AOAH: variants seen among roughly 807,000 people sequenced by gnomAD.
AOAH encodes the protein acyloxyacyl hydrolase.
AOAH carries 64 observed loss-of-function variants against 92.2 expected under a neutral mutation model. That is an observed-to-expected ratio of 0.69 (90% CI 0.57 to 0.86). AOAH has a LOEUF of 0.86. AOAH is among the 40% of genes least tolerant of loss of function. The pLI is 0.00. For missense variants in AOAH, 656 were observed against 694.6 expected, an observed-to-expected ratio of 0.94 and a Z score of 0.62; for synonymous variants, 263 against 254.5, an observed-to-expected ratio of 1.03 and a Z score of -0.32.
chr7:36,540,242 A>G (rs1785329873), intron 16 of AOAH, 77 bp downstream of exon 16: 2 of 1,342,854 alleles, frequency 1.5e-6, no homozygotes, highest in South Asian at 3.1e-5. Flanking sequence ...ACATTTCTAT[A>G]TGGTTTGAAC....
chr7:36,514,742 C>T (rs1164405083), intron 20 of AOAH: 1 of 620,494 alleles, frequency 1.6e-6, no homozygotes, highest in Non-Finnish European at 2.8e-6. Flanking sequence ...GGGAAGGATG[C>T]TCAGGGATAT....
intron 11 of AOAH, among the ~76,000 whole-genome samples, chr7:36,601,479 C>T (rs912510168): frequency 6.6e-6 from 1 of 152,134 alleles, no homozygotes; most frequent in African/African-American, 2.4e-5. Flanking sequence ...TGGGACTCAC[C>T]GTCTAGAGGA....
chr7:36,682,208 C>G (rs1056300418), intron 2 of AOAH, among the ~76,000 whole-genome samples: 2 of 152,208 alleles, frequency 1.3e-5, no homozygotes, highest in Non-Finnish European at 2.9e-5. Context: ...GGGCAAGGCC[C>G]ACACTGAGGA....
chr7:36,656,803 C>T (rs183684071), intron 4 of AOAH, among the ~76,000 whole-genome samples: 121 of 146,094 alleles, frequency 8.3e-4, no homozygotes, highest in Non-Finnish European at 1.5e-3. Flanking sequence ...CTGCTGACTT[C>T]ACCACGGCAC....
intron 1 of AOAH, among the ~76,000 whole-genome samples, chr7:36,717,379 C>A (rs2117018570): frequency 6.6e-6 from 1 of 152,182 alleles, no homozygotes; most frequent in Non-Finnish European, 1.5e-5. Flanking sequence ...CTCCCCACTC[C>A]CACCCACCCC....
intron 4 of AOAH, among the ~76,000 whole-genome samples, chr7:36,656,918 A>G (rs764425789): frequency 4.0e-5 from 6 of 150,902 alleles, no homozygotes; most frequent in Non-Finnish European, 5.9e-5. Context: ...TTTTTGGGGC[A>G]GTTTGTCCCT....
chr7:36,517,214 C>CTTTCTCTT (rs59205788), intron 20 of AOAH, among the ~76,000 whole-genome samples: 1,285 of 104,796 alleles, frequency 0.012, 30 homozygotes, highest in African/African-American at 0.033. Context: ...TTCTTTCTTT[C>CTTTCTCTT]TCTTTCTTTC....
At chr7:36,648,129 C>A (rs532933362) in intron 4 of AOAH, among the ~76,000 whole-genome samples, 1 of 152,048 alleles carries the variant, frequency 6.6e-6, no homozygotes, top group Non-Finnish European at 1.5e-5. Flanking sequence ...CTGCCTCAAC[C>A]TCCCAAGTGC....
At chr7:36,552,289 A>G (rs1786322931) in intron 13 of AOAH, among the ~76,000 whole-genome samples, 1 of 152,168 alleles carries the variant, frequency 6.6e-6, no homozygotes, top group Non-Finnish European at 1.5e-5. Context: ...TTTGCTGAGG[A>G]TAAAGGTTTC....
intron 4 of AOAH, among the ~76,000 whole-genome samples, chr7:36,639,895 G>A (rs1308119068): frequency 6.6e-6 from 1 of 152,166 alleles, no homozygotes; most frequent in Non-Finnish European, 1.5e-5. Context: ...GCAGAGAGAG[G>A]GCTGAATCCC....
Position 36,533,881 on chromosome 7 carries a change from C to T in AOAH, c.1307-1537G>A, listed in dbSNP as rs117769419. On this transcript the variant is annotated intron_variant, in intron 16 of 20. Transcript: ENST00000617537. ...CCGTCTCCCCACCTTCTGTGAGGGC[C>T]CAGTGTCTGGCTGCTTTTGCCTTGG... 1.3e-4 allele frequency among the ~76,000 whole-genome samples: 20 copies of T among 152,230 alleles called. No homozygotes were observed. In the East Asian group the frequency reaches 3.9e-3, roughly 29 times the overall value.
chr7:36,529,085 A>G (rs1784548529), intron 19 of AOAH, among the ~76,000 whole-genome samples: 1 of 152,290 alleles, frequency 6.6e-6, no homozygotes, highest in South Asian at 2.1e-4. Context: ...AGGATGACAC[A>G]TTATTTCATA....
intron 9 of AOAH, among the ~76,000 whole-genome samples, chr7:36,620,322 A>C (rs1411312856): frequency 1.3e-5 from 2 of 152,030 alleles, no homozygotes; most frequent in African/African-American, 4.8e-5. Flanking sequence ...GGAAACTAGG[A>C]CACCAGCATT....
chr7:36,639,366 C>T (rs1297211769), intron 4 of AOAH, among the ~76,000 whole-genome samples: 1 of 152,106 alleles, frequency 6.6e-6, no homozygotes, highest in Non-Finnish European at 1.5e-5. Context: ...GGTGGTAGTC[C>T]TCTGCCTCAA....
At chr7:36,526,117 C>T (rs1475493845) in intron 19 of AOAH, among the ~76,000 whole-genome samples, 1 of 152,198 alleles carries the variant, frequency 6.6e-6, no homozygotes, top group Non-Finnish European at 1.5e-5. Flanking sequence ...CAACCCCCAT[C>T]CCTTCTCTAC....
In AOAH at chr7:36,724,196, A is replaced by C. The variant is rs753119301; in HGVS notation, c.-48T>G. 6.2e-7 allele frequency: 1 copy of C among 1,604,802 alleles called. No individual in the cohort carries two copies. Among genetic ancestry groups the C allele is most frequent in the African/African-American group, 1.3e-5 (1 of 74,576 alleles). Reference sequence around the variant, plus strand: ...GATCACCCGGCTTTGGAAGCTCCCAACTGAGGGATGCTGGAGCTGAGGCTG... The same window carrying C: ...GATCACCCGGCTTTGGAAGCTCCCACCTGAGGGATGCTGGAGCTGAGGCTG... On this transcript the variant is annotated 5_prime_UTR_variant, in exon 1 of 21. Transcript: ENST00000617537.
chr7:36,648,267 A>T (rs1794356888), intron 4 of AOAH, among the ~76,000 whole-genome samples: 2 of 152,218 alleles, frequency 1.3e-5, no homozygotes, highest in Admixed American at 6.5e-5. Context: ...TCACCATCAG[A>T]ACTTTGTGAA....
chr7:36,665,228 T>A (rs191050078), intron 3 of AOAH, among the ~76,000 whole-genome samples: 136 of 152,330 alleles, frequency 8.9e-4, no homozygotes, highest in African/African-American at 3.1e-3. Flanking sequence ...TAAAGTGTTG[T>A]AGTTTTCCTC....
At chr7:36,596,562 G>T (rs976976507) in intron 11 of AOAH, among the ~76,000 whole-genome samples, 4 of 152,162 alleles carry the variant, frequency 2.6e-5, no homozygotes, top group Non-Finnish European at 4.4e-5. Context: ...AGACAGAAAT[G>T]AAGACACAGG....
Sources: gnomAD v4.1 joint callset for allele counts (sites outside exome capture counted in the v4.1 genomes callset) on GRCh38, gnomAD v4.1.1 for gene constraint, MANE v1.5 for transcripts, NCBI Gene and HGNC (gene_info 2026-07-23, HGNC 2026-07-21) for gene names.